Variants in TNS1 observed in about 807,000 individuals in gnomAD.
TNS1 encodes tensin 1.
Under a neutral mutation model 168.6 loss-of-function variants are expected in TNS1, and 62 were observed. That is an observed-to-expected ratio of 0.37 (90% CI 0.30 to 0.45). TNS1 has a LOEUF of 0.45. Among genes scored for constraint, TNS1 ranks in the 20% least tolerant of loss-of-function variants. TNS1 has a pLI of 1.00. For synonymous variants in TNS1, 934 were observed against 933.2 expected, an observed-to-expected ratio of 1.00 and a Z score of -0.02; for missense variants, 2,240 against 2,339.4, an observed-to-expected ratio of 0.96 and a Z score of 0.88.
At chr2:217,895,988 C>A (rs1559319501) in intron 8 of TNS1, among the ~76,000 whole-genome samples, 1 of 152,230 alleles carries the variant, frequency 6.6e-6, no homozygotes, top group Non-Finnish European at 1.5e-5. Context: ...TAAAGGAATA[C>A]ACTTTATTAT....
At chr2:217,924,752 G>A (rs191261247) in intron 3 of TNS1, among the ~76,000 whole-genome samples, 159 of 152,340 alleles carry the variant, frequency 1.0e-3, no homozygotes, top group Non-Finnish European at 8.4e-4. Flanking sequence ...ACAAGGTCAT[G>A]AAGTTTGCCC....
chr2:217,927,429 T>C (rs1956089997), intron 3 of TNS1, among the ~76,000 whole-genome samples: 1 of 152,112 alleles, frequency 6.6e-6, no homozygotes, highest in Non-Finnish European at 1.5e-5. Flanking sequence ...ATTTTAGCCA[T>C]TGGCACTGGG....
At position 217,893,400 on chromosome 2, in the gene TNS1, G is replaced by GCACACACACACACACACACA. The variant is rs55877465; in HGVS notation, c.717+19_717+38dup. 3.4e-6 allele frequency: 5 copies of GCACACACACACACACACACA among 1,462,130 alleles called. No homozygotes were observed. The African/African-American group carries it at 4.3e-5, about 13-fold the overall frequency. 90.6% of individuals were successfully genotyped at this position (1,462,130 alleles called of 1,614,324 possible). On this transcript the variant is annotated intron_variant, in intron 10 of 32. Coordinates refer to ENST00000682258, the MANE Select transcript of TNS1 (RefSeq NM_001387777.1). ...CACACATGTGCGCATGTGCGCGCGC[G>GCACACACACACACACACACA]CACACACACACACACACACACACAC...
At chr2:217,936,429 T>C (rs1956611371) in intron 3 of TNS1, among the ~76,000 whole-genome samples, 1 of 152,094 alleles carries the variant, frequency 6.6e-6, no homozygotes, top group African/African-American at 2.4e-5. Flanking sequence ...GGGGCCTCCT[T>C]GGCCTCCCAA....
At chr2:217,861,892 A>G (rs968393386) in intron 18 of TNS1, among the ~76,000 whole-genome samples, 2 of 152,152 alleles carry the variant, frequency 1.3e-5, no homozygotes, top group African/African-American at 4.8e-5. Flanking sequence ...ACCAGCCCAT[A>G]TGTATCACAC....
intron 18 of TNS1, among the ~76,000 whole-genome samples, chr2:217,851,472 CA>C (rs1221849364): frequency 1.2e-4 from 18 of 151,542 alleles, no homozygotes; most frequent in African/African-American, 4.4e-4. Flanking sequence ...CACACACACA[CA>C]CCCCAGGGAC....
intron 7 of TNS1, among the ~76,000 whole-genome samples, chr2:217,898,656 C>A (rs144584933): frequency 1.1e-3 from 165 of 152,344 alleles, no homozygotes; most frequent in African/African-American, 3.8e-3. Flanking sequence ...TTCTTGGCAG[C>A]AGCCTCCCTG....
Position 217,831,544 on chromosome 2 carries a change from C to A in TNS1, c.3284G>T (p.Arg1095Leu). Residue 1095 changes from arginine (R) to leucine (L), a missense_variant, in exon 22 of 33, where the codon CGG (arginine) becomes CTG (leucine). Coordinates refer to ENST00000682258, the MANE Select transcript of TNS1 (RefSeq NM_001387777.1). ...SPSSPPPSGV[R>L]SPPGLAKTPL... is the part of the protein sequence containing the mutation. ...TGTCTTGGCCAGACCCGGGGGGGAC[C>A]GCACTGTGCCAGGAAGAAGAGGGGA... 1 of 1,513,710 alleles carries A rather than the reference C, an allele frequency of 6.6e-7. No individual in the cohort carries two copies. Among genetic ancestry groups the A allele is most frequent in the South Asian group, 1.3e-5 (1 of 74,776 alleles). 93.8% of individuals were successfully genotyped at this position (1,513,710 alleles called of 1,614,324 possible). A position where few individuals can be genotyped will look rare whatever the true frequency, so the allele number is the denominator to read the frequency against.
intron 3 of TNS1, among the ~76,000 whole-genome samples, chr2:217,952,120 G>A (rs1443803605): frequency 1.3e-5 from 2 of 152,224 alleles, no homozygotes; most frequent in Non-Finnish European, 2.9e-5. Flanking sequence ...GTGACCTGAA[G>A]GGAAAGAACA....
intron 2 of TNS1, among the ~76,000 whole-genome samples, chr2:217,987,842 C>G (rs953662994): frequency 6.6e-6 from 1 of 152,184 alleles, no homozygotes; most frequent in Non-Finnish European, 1.5e-5. Flanking sequence ...CAGGGAAAAA[C>G]CCATACAACC....
In TNS1 at chr2:217,848,244, G is replaced by A. The variant is rs375153588; in HGVS notation, c.2273C>T (p.Pro758Leu). Residue 758 changes from proline (P) to leucine (L), a missense_variant, in exon 19 of 33, where the codon CCG (proline) becomes CTG (leucine). Pro to Leu is a moderately conservative substitution (Grantham distance 98, BLOSUM62 -3). Transcript: ENST00000682258. ...CTCCCGGCTGCTTCCCCCTCGGACC[G>A]GAGCTGGGGGCAGCTGGGGTTCAGC... ...SEAEPQLPPA[P>L]VRGGSSREAV... 86 of 1,563,650 alleles carry A rather than the reference G, an allele frequency of 5.5e-5. No individual in the cohort carries two copies. Among genetic ancestry groups the A allele is most frequent in the Middle Eastern group, 1.7e-4 (1 of 5,830 alleles).
At chr2:217,881,106 G>A in intron 17 of TNS1, 92 bp from the exon 18 acceptor site, 5 of 942,530 alleles carry the variant, frequency 5.3e-6, no homozygotes, top group Non-Finnish European at 8.4e-6. Context: ...AAGCCCACAA[G>A]CTCCCCAAAA....
At chr2:217,831,421 G>GC in intron 22 of TNS1, 34 bp downstream of exon 22, 1 of 1,527,484 alleles carries the variant, frequency 6.5e-7, no homozygotes, top group East Asian at 2.5e-5. Context: ...CCTCCCCCTG[G>GC]CCCCCCTCCC....
intron 18 of TNS1, chr2:217,849,915 A>T: frequency 1.0e-6 from 1 of 985,408 alleles, no homozygotes; most frequent in Non-Finnish European, 1.2e-6. Context: ...TCTCTAAGAC[A>T]AGCTTGCCCT....
chr2:217,845,933 T>A (rs942582410), intron 19 of TNS1, among the ~76,000 whole-genome samples: 1 of 152,090 alleles, frequency 6.6e-6, no homozygotes, highest in Non-Finnish European at 1.5e-5. Flanking sequence ...AGGCCACCAC[T>A]CCAACCTTGC....
intron 18 of TNS1, chr2:217,859,580 C>T: frequency 1.4e-6 from 2 of 1,461,662 alleles, no homozygotes; most frequent in South Asian, 1.2e-5. Context: ...GGCTTGGCAA[C>T]TTGACATTTT....
intron 24 of TNS1, 68 bp downstream of exon 24, chr2:217,817,622 A>G (rs758198479): frequency 8.2e-6 from 11 of 1,338,592 alleles, no homozygotes; most frequent in Non-Finnish European, 1.1e-5. Context: ...AGACACTGGG[A>G]TAGATATTTC....
At chr2:217,933,102 T>C (rs1244825758) in intron 3 of TNS1, among the ~76,000 whole-genome samples, 1 of 152,212 alleles carries the variant, frequency 6.6e-6, no homozygotes, top group African/African-American at 2.4e-5. Flanking sequence ...CAGCCAGCAC[T>C]GAAGGCCAGA....
Position 217,836,188 on chromosome 2 carries a change from G to C in TNS1, c.3031C>G (p.Pro1011Ala), listed in dbSNP as rs1394430360. ...CGCAGAGGGGCTGGGGGCTCTGCAG[G>C]CTGCTTCTCCCGAGCCTGTACCCCT... is the stretch of plus-strand genomic sequence containing the variant. ...VAGVQAREKQ[P>A]AEPPAPLRRR... Residue 1011 changes from proline to alanine, a missense_variant, in exon 20 of 33, where the codon CCT becomes GCT. Physicochemically the swap from Pro to Ala is conservative, Grantham distance 27. Around this residue, in one of 2 missense-constraint regions of TNS1, gnomAD observed 2,131 missense variants for 2,171.2 expected, o/e 0.98. Transcript: ENST00000682258. 6.2e-6 allele frequency: 10 copies of C among 1,612,276 alleles called. No homozygotes were observed. The highest frequency in any genetic ancestry group is 2.2e-5 in the East Asian group (1 of 44,862).
Sources: allele counts gnomAD v4.1 joint callset (sites outside exome capture counted in the v4.1 genomes callset), GRCh38; gene constraint gnomAD v4.1.1; regional missense constraint gnomAD v4.1.1; transcripts MANE v1.5; gene names NCBI Gene and HGNC (gene_info 2026-07-23, HGNC 2026-07-21).